Variants in SERPINA12 observed in about 807,000 individuals in gnomAD.
SERPINA12 encodes serpin family A member 12.
Under a neutral mutation model 25.9 loss-of-function variants are expected in SERPINA12, and 21 were observed. That is an observed-to-expected ratio of 0.81 (90% CI 0.58 to 1.17). SERPINA12 has a LOEUF of 1.17. SERPINA12 is among the 50% of genes most tolerant of loss of function. The pLI is 0.00. For missense variants in SERPINA12, 562 were observed against 508.3 expected, an observed-to-expected ratio of 1.11 and a Z score of -1.02; for synonymous variants, 220 against 196.0, an observed-to-expected ratio of 1.12 and a Z score of -1.02.
At chr14:94,493,546 G>A (rs1566806672) in intron 3 of SERPINA12, among the ~76,000 whole-genome samples, 1 of 152,190 alleles carries the variant, frequency 6.6e-6, no homozygotes, top group East Asian at 1.9e-4. Flanking sequence ...GAGATGCTGA[G>A]AGCAGCCTAC....
rs1901233886 is a variant in SERPINA12, at chr14:94,516,390, G to A, written c.-352-236C>T. On this transcript the variant is annotated intron_variant, in intron 1 of 5. Coordinates refer to the SERPINA12 transcript ENST00000341228. ...CCACATCTGTCACTCCAGCCTGGCT[G>A]ACACAGTGACTCGAGGAAGGGGCCG... 3.3e-5 allele frequency among the ~76,000 whole-genome samples: 5 copies of A among 152,210 alleles called. No individual in the cohort carries two copies. In the South Asian group the frequency reaches 1.0e-3, roughly 32 times the overall value.
intron 3 of SERPINA12, among the ~76,000 whole-genome samples, chr14:94,491,539 G>A (rs552358505): frequency 6.6e-6 from 1 of 152,234 alleles, no homozygotes; most frequent in South Asian, 2.1e-4. Flanking sequence ...TTGATGCTGG[G>A]AGACCATTTG....
At chr14:94,511,443 T>C (rs1194482278), upstream of SERPINA12, 7 of 985,282 alleles carry the variant, frequency 7.1e-6, no homozygotes, top group Non-Finnish European at 8.4e-6. Context: ...TGGATACAAC[T>C]AGTGCAGAAA....
At chr14:94,513,629 C>T (rs949555260), upstream of SERPINA12, among the ~76,000 whole-genome samples, 4 of 152,288 alleles carry the variant, frequency 2.6e-5, no homozygotes, top group Middle Eastern at 3.4e-3. Flanking sequence ...AAACCATAAC[C>T]GCCCATGCAC....
At chr14:94,504,117 G>A (rs1416352745) in intron 1 of SERPINA12, 1 of 152,278 alleles carries the variant, frequency 6.6e-6, no homozygotes, top group Admixed American at 6.5e-5. Context: ...TGGAAGGGAA[G>A]GTCTCATACT....
chr14:94,510,015 C>T (rs1901067777), upstream of SERPINA12: 1 of 985,440 alleles, frequency 1.0e-6, no homozygotes, highest in South Asian at 4.7e-5. Context: ...GAGCAGGCAG[C>T]CCATCCATCC....
At chr14:94,490,026 C>A (rs1900098459) in intron 3 of SERPINA12, among the ~76,000 whole-genome samples, 1 of 146,504 alleles carries the variant, frequency 6.8e-6, no homozygotes, top group Non-Finnish European at 1.5e-5. Flanking sequence ...TCTCAAGTTC[C>A]CCCGTCTCAG....
upstream of SERPINA12, chr14:94,509,986 C>T: frequency 1.0e-6 from 1 of 985,442 alleles, no homozygotes; most frequent in South Asian, 4.7e-5. Flanking sequence ...CCCTCTCTCA[C>T]CTCCCAGGTG....
chr14:94,511,468 A>C, upstream of SERPINA12: 1 of 985,454 alleles, frequency 1.0e-6, no homozygotes, highest in Non-Finnish European at 1.2e-6. Flanking sequence ...GGGAGAAATC[A>C]AGGAAATTCT....
chr14:94,495,794 A>G (rs2139850275), intron 3 of SERPINA12, among the ~76,000 whole-genome samples: 2 of 152,266 alleles, frequency 1.3e-5, no homozygotes, highest in East Asian at 3.9e-4. Flanking sequence ...TAAACCCAAC[A>G]CCAACTCTTA....
Position 94,498,002 on chromosome 14 carries a change from C to A in SERPINA12, c.396G>T (p.Leu132=). The change falls in exon 2 of 5, where the codon CTG becomes CTT. Residue 132 remains leucine, a synonymous_variant. Coordinates refer to ENST00000677451, the MANE Select transcript of SERPINA12 (RefSeq NM_001382267.1). ...CAATGAACAGCGTGTTCCCAATGCT[C>A]AGTTTGAGGTCCTGGGTCTTCTGGG... The part of the protein sequence containing the change: ...ELTQKTQDLK[L]SIGNTLFIDQ... 6.2e-7 allele frequency: 1 copy of A among 1,614,132 alleles called. No homozygotes were observed. The highest frequency in any genetic ancestry group is 1.1e-5 in the South Asian group (1 of 91,070).
intron 1 of SERPINA12, chr14:94,500,995 C>T (rs1336408235): frequency 6.1e-6 from 6 of 984,608 alleles, no homozygotes; most frequent in Non-Finnish European, 6.0e-6. Context: ...TGGGTGCTCT[C>T]TAAGCACCTT....
In SERPINA12 at chr14:94,498,404, T is replaced by A. The variant is rs755827101; in HGVS notation, c.-7A>T. 7.4e-6 allele frequency: 12 copies of A among 1,611,370 alleles called. No individual in the cohort carries two copies. In the African/African-American group the frequency reaches 1.5e-4, roughly 20 times the overall value. On this transcript the variant is annotated 5_prime_UTR_variant, in exon 2 of 5. Transcript: ENST00000677451. ...GGCCTAGTGTGGGGTTCATTTTCCT[T>A]GAAGAATATCCTGTTGAGTAGTAGA...
intron 1 of SERPINA12, among the ~76,000 whole-genome samples, chr14:94,505,612 G>A (rs186141703): frequency 2.0e-5 from 3 of 152,314 alleles, no homozygotes; most frequent in Non-Finnish European, 4.4e-5. Context: ...CCAGTGAGGT[G>A]GACACTGACC....
Position 94,496,355 on chromosome 14 carries a change from G to A in SERPINA12, c.905+18C>T. 1 of 1,613,868 alleles carries A rather than the reference G, an allele frequency of 6.2e-7. No individual in the cohort carries two copies. The highest frequency in any genetic ancestry group is 8.5e-7 in the Non-Finnish European group (1 of 1,179,866). ...ACAAGAGAAGGAAAAAGCTGCGAGG[G>A]CTAGGCACCCACTTTACCTGCGTGA... On this transcript the variant is annotated intron_variant, in intron 3 of 4. Coordinates refer to ENST00000677451, the MANE Select transcript of SERPINA12 (RefSeq NM_001382267.1).
chr14:94,513,958 G>A (rs558863133), upstream of SERPINA12, among the ~76,000 whole-genome samples: 1 of 152,120 alleles, frequency 6.6e-6, no homozygotes, highest in Non-Finnish European at 1.5e-5. Context: ...CTCACAGTCC[G>A]AGAAGGGGTA....
rs201580815 is a variant in SERPINA12 at position 94,489,648 on chromosome 14, G to A, written c.1025C>T (p.Ala342Val). Residue 342 changes from alanine to valine, a missense_variant, in exon 4 of 5, where the codon GCC becomes GTC. Ala to Val is a moderately conservative substitution (Grantham distance 64). Coordinates refer to ENST00000677451, the MANE Select transcript of SERPINA12 (RefSeq NM_001382267.1). ...FEEHGDLTKI[A>V]PHRSLKVGEA... Reference sequence around the variant, plus strand: ...GCCCACTTTCAGGCTGCGATGAGGGGCGATCTTGGTGAGATCACCATGTTC... The same window carrying A: ...GCCCACTTTCAGGCTGCGATGAGGGACGATCTTGGTGAGATCACCATGTTC... The A allele has an allele frequency of 1.2e-6, 2 of 1,614,168 alleles. No individual in the cohort carries two copies. The highest frequency in any genetic ancestry group is 2.2e-5 in the East Asian group (1 of 44,866).
chr14:94,505,367 C>G (rs1005618827), intron 1 of SERPINA12, among the ~76,000 whole-genome samples: 7 of 152,196 alleles, frequency 4.6e-5, no homozygotes, highest in African/African-American at 1.4e-4. Flanking sequence ...CTGCCCAGAT[C>G]AGAAACCACC....
At chr14:94,507,899 A>G (rs75205634) in intron 1 of SERPINA12, among the ~76,000 whole-genome samples, 95 of 152,268 alleles carry the variant, frequency 6.2e-4, no homozygotes, top group Non-Finnish European at 1.8e-4. Context: ...TGCAATGTCC[A>G]TAGCAGCTTT....
Sources: gnomAD v4.1 joint callset for allele counts (sites outside exome capture counted in the v4.1 genomes callset) on GRCh38, gnomAD v4.1.1 for gene constraint, MANE v1.5 for transcripts, NCBI Gene and HGNC (gene_info 2026-07-23, HGNC 2026-07-21) for gene names.